The following COL12A1 variants were observed in gnomAD, a reference collection of about 807,000 sequenced individuals.
COL12A1 encodes the protein collagen type XII alpha 1 chain.
A neutral mutation model predicts 349.7 loss-of-function variants in COL12A1; 114 were observed. The observed-to-expected ratio is 0.33, with a 90% CI of 0.28 to 0.38. The LOEUF is 0.38. COL12A1 is among the 10% of genes least tolerant of loss of function. The probability of loss-of-function intolerance (pLI) is 1.00; values close to 1 mark genes in which losing one functional copy is unlikely to be tolerated. For missense variants in COL12A1, 3,284 were observed against 3,756.9 expected (o/e 0.87, Z 3.29); for synonymous variants, 1,369 against 1,329.0 (o/e 1.03, Z -0.66).
Position 75,181,176 on chromosome 6 carries a change from C to T in COL12A1, c.1927G>A (p.Val643Met). The T allele has an allele frequency of 4.3e-6, 7 of 1,610,574 alleles. No individual in the cohort carries two copies. Among genetic ancestry groups the T allele is most frequent in the Non-Finnish European group, 5.1e-6 (6 of 1,179,184 alleles). ...TTGGTTTTGAAACCATAAGAAGTCA[C>T]TTCTGAAAAACTAAGATCCTTTGGA... is the stretch of plus-strand genomic sequence containing the variant. ...VPPKDLSFSE[V>M]TSYGFKTNWS... Residue 643 changes from valine (V) to methionine (M), a missense_variant, in exon 11 of 66, where the codon GTG (valine) becomes ATG (methionine). By Grantham distance (21) the Val-to-Met change is conservative. Around this residue, in one of 2 missense-constraint regions of COL12A1, gnomAD observed 2,601 missense variants for 2,824.8 expected, o/e 0.92. Transcript: ENST00000322507.
intron 25 of COL12A1, among the ~76,000 whole-genome samples, chr6:75,143,593 ATATT>A (rs890513865): frequency 6.6e-6 from 1 of 152,102 alleles, no homozygotes; most frequent in Non-Finnish European, 1.5e-5. Context: ...AAAATAGAAT[ATATT>A]TAATTTTTTG....
At chr6:75,164,353 T>C (rs1245629463) in intron 14 of COL12A1, among the ~76,000 whole-genome samples, 1 of 152,202 alleles carries the variant, frequency 6.6e-6, no homozygotes, top group East Asian at 1.9e-4. Flanking sequence ...CTGAAATTGC[T>C]CATGGCACTT....
chr6:75,173,280 T>A (rs1768733698), intron 13 of COL12A1, among the ~76,000 whole-genome samples: 1 of 152,210 alleles, frequency 6.6e-6, no homozygotes, highest in African/African-American at 2.4e-5. Context: ...CTTCTAGTTG[T>A]AAGTACTTTA....
chr6:75,165,359 A>G, intron 14 of COL12A1, 148 bp downstream of exon 14: 4 of 1,104,242 alleles, frequency 3.6e-6, no homozygotes, highest in Non-Finnish European at 1.3e-6. Context: ...CTCTGAATTT[A>G]AGCCAAATTC....
chr6:75,152,042 T>G lies in COL12A1; in HGVS notation c.3836-11A>C. The G allele has an allele frequency of 6.2e-7, 1 of 1,613,812 alleles. No individual in the cohort carries two copies. Among genetic ancestry groups the G allele is most frequent in the South Asian group, 1.1e-5 (1 of 91,080 alleles). On this transcript the variant is annotated splice_polypyrimidine_tract_variant and intron_variant, in intron 19 of 65. Transcript: ENST00000322507. The stretch of plus-strand genomic sequence containing the variant: ...AATTCAAAGCCATGCCTAGTGGGAT[T>G]TTTAAAAGAGAATCAGTCACATCAC...
In COL12A1 at chr6:75,155,738, G is replaced by C. The variant is rs1767719265; in HGVS notation, c.3367C>G (p.Pro1123Ala). ...EVKGYKVTFH[P>A]TGDDRRLGEL... The stretch of plus-strand genomic sequence containing the variant: ...CCCAGTCTTCTGTCATCCCCCGTAG[G>C]GTGGAATGTGACTTTATAACCCTTC... Residue 1123 changes from proline (P) to alanine (A), a missense_variant, in exon 16 of 66, where the codon CCT becomes GCT. By Grantham distance (27) the Pro-to-Ala change is conservative (BLOSUM62 -1). Coordinates refer to ENST00000322507, the MANE Select transcript of COL12A1 (RefSeq NM_004370.6). The C allele has an allele frequency of 6.2e-7, 1 of 1,613,380 alleles. No individual in the cohort carries two copies. Among genetic ancestry groups the C allele is most frequent in the South Asian group, 1.1e-5 (1 of 90,994 alleles).
intron 24 of COL12A1, among the ~76,000 whole-genome samples, chr6:75,145,708 C>T (rs765517480): frequency 2.6e-5 from 4 of 151,150 alleles, no homozygotes; most frequent in African/African-American, 4.9e-5. Context: ...CTCAACTCAC[C>T]GCAACTTCCA....
rs1367995138 is a variant in COL12A1 at position 75,128,739 on chromosome 6, A to G, written c.6211-314T>C. On this transcript the variant is annotated intron_variant, in intron 37 of 65. Coordinates refer to ENST00000322507, the MANE Select transcript of COL12A1 (RefSeq NM_004370.6). The stretch of plus-strand genomic sequence containing the variant: ...TTCAGAACACCTTACTGAGTATTCC[A>G]GCACTCAGTAGTAAGTTTGTTTCCT... Among the ~76,000 whole-genome samples, 3 of 152,188 alleles carry G rather than the reference A, an allele frequency of 2.0e-5. No individual in the cohort carries two copies. The East Asian group carries it at 5.8e-4, about 29-fold the overall frequency.
At chr6:75,182,562 T>C (rs1211411639) in intron 10 of COL12A1, among the ~76,000 whole-genome samples, 1 of 152,184 alleles carries the variant, frequency 6.6e-6, no homozygotes, top group Non-Finnish European at 1.5e-5. Flanking sequence ...GACTTTTAAC[T>C]ACACATTGAA....
chr6:75,089,650 T>C (rs1489091150), intron 63 of COL12A1, among the ~76,000 whole-genome samples: 1 of 152,204 alleles, frequency 6.6e-6, no homozygotes, highest in African/African-American at 2.4e-5. Flanking sequence ...CCTGTTTTTC[T>C]CCTTTTCCTT....
chr6:75,169,845 T>A (rs189020361), intron 13 of COL12A1, among the ~76,000 whole-genome samples: 49 of 152,328 alleles, frequency 3.2e-4, no homozygotes, highest in African/African-American at 1.1e-3. Flanking sequence ...GTCATAAGTT[T>A]AAAGGTATAA....
intron 13 of COL12A1, among the ~76,000 whole-genome samples, chr6:75,170,584 T>C (rs1459992689): frequency 6.6e-6 from 1 of 152,236 alleles, no homozygotes; most frequent in African/African-American, 2.4e-5. Context: ...AAGTGTTTCT[T>C]CCGTAATTAT....
At chr6:75,191,670 T>G (rs573928956) in intron 5 of COL12A1, 31 bp downstream of exon 5, 81 of 1,540,616 alleles carry the variant, frequency 5.3e-5, no homozygotes, top group Non-Finnish European at 6.4e-5. Flanking sequence ...CTTCCATGAA[T>G]CTAAGCAAAA....
intron 14 of COL12A1, among the ~76,000 whole-genome samples, chr6:75,165,017 C>T (rs543326690): frequency 6.6e-6 from 1 of 152,194 alleles, no homozygotes; most frequent in South Asian, 2.1e-4. Flanking sequence ...AGCGATCAAT[C>T]ATTTATCAAT....
intron 27 of COL12A1, among the ~76,000 whole-genome samples, chr6:75,139,329 C>A (rs1173506435): frequency 2.0e-5 from 3 of 152,054 alleles, no homozygotes; most frequent in African/African-American, 7.2e-5. Context: ...CTATCAATAA[C>A]CCCAAAGACA....
intron 32 of COL12A1, among the ~76,000 whole-genome samples, chr6:75,134,201 G>C (rs1330208078): frequency 6.6e-6 from 1 of 152,150 alleles, no homozygotes; most frequent in Non-Finnish European, 1.5e-5. Context: ...TTTGGTCTTA[G>C]AGCACCTTTC....
At chr6:75,167,926 T>C (rs954213949) in intron 13 of COL12A1, among the ~76,000 whole-genome samples, 4 of 152,160 alleles carry the variant, frequency 2.6e-5, no homozygotes, top group Non-Finnish European at 5.9e-5. Context: ...AAAAAATATT[T>C]TTAAGCTCTA....
intron 3 of COL12A1, among the ~76,000 whole-genome samples, chr6:75,192,886 G>T (rs574824615): frequency 6.6e-6 from 1 of 152,044 alleles, no homozygotes; most frequent in South Asian, 2.1e-4. Flanking sequence ...GGGTAACATT[G>T]ACCTCTGCAT....
intron 40 of COL12A1, 21 bp from the exon 41 acceptor site, chr6:75,124,392 G>C: frequency 6.5e-7 from 1 of 1,538,500 alleles, no homozygotes; most frequent in South Asian, 1.2e-5. Context: ...AAGAAAGAAA[G>C]AGATTTACTT....
Sources: allele counts gnomAD v4.1 joint callset (sites outside exome capture counted in the v4.1 genomes callset), GRCh38; gene constraint gnomAD v4.1.1; regional missense constraint gnomAD v4.1.1; transcripts MANE v1.5; gene names NCBI Gene and HGNC (gene_info 2026-07-23, HGNC 2026-07-21).